The following MUCL3 variants were observed in gnomAD, a reference collection of about 807,000 sequenced individuals.
MUCL3 encodes the protein mucin like 3.
Under a neutral mutation model 70.2 loss-of-function variants are expected in MUCL3, and 42 were observed. That is an observed-to-expected ratio of 0.60 (90% CI 0.47 to 0.77). The LOEUF (loss-of-function observed/expected upper bound fraction) is 0.77, where lower values mean the gene tolerates loss of function less well. Ranked by LOEUF, MUCL3 falls within the 30% of genes least tolerant of loss-of-function variation. MUCL3 has a pLI of 0.00. For missense variants in MUCL3, 1,429 were observed against 1,670.0 expected (o/e 0.86, Z 2.52); for synonymous variants, 522 against 647.0 (o/e 0.81, Z 2.93).
Position 30,950,261 on chromosome 6 carries a change from A to C in MUCL3, c.1797A>C (p.Ala599=). Residue 599 remains alanine, a synonymous_variant, in exon 2 of 3, where the codon GCA becomes GCC. Coordinates refer to ENST00000462446, the MANE Select transcript of MUCL3 (RefSeq NM_080870.4). ...ATGAGAAGACCACATCATCCTCAGC[A>C]GAGCCTACAGAACACGAAGAAAGGA... The part of the protein sequence containing the change: ...FANEKTTSSS[A]EPTEHEERTP... 6.4e-7 allele frequency: 1 copy of C among 1,551,364 alleles called. No homozygotes were observed. The highest frequency in any genetic ancestry group is 8.7e-7 in the Non-Finnish European group (1 of 1,146,986).
rs1204333472 is a variant in MUCL3, at chr6:30,950,479, C to T, written c.2015C>T (p.Thr672Ile). The change falls in exon 2 of 3, where the codon ACC (threonine) becomes ATC (isoleucine). Residue 672 changes from threonine (T) to isoleucine (I), a missense_variant. Coordinates refer to ENST00000462446, the MANE Select transcript of MUCL3 (RefSeq NM_080870.4). ...ENRERTANEK[T>I]TSSPAEPTEN... Reference sequence around the variant, plus strand: ...AGAGAAAGGACAGCCAATGAGAAGACCACATCATCCCCAGCAGAGCCTACA... The same window carrying T: ...AGAGAAAGGACAGCCAATGAGAAGATCACATCATCCCCAGCAGAGCCTACA... 5 of 1,550,608 alleles carry T rather than the reference C, an allele frequency of 3.2e-6. No homozygotes were observed. The highest frequency in any genetic ancestry group is 2.0e-5 in the Admixed American group (1 of 50,840).
chr6:30,949,483 C>G lies in MUCL3; in HGVS notation c.1019C>G (p.Ala340Gly). The G allele has an allele frequency of 5.8e-6, 9 of 1,549,774 alleles. No individual in the cohort carries two copies. Among genetic ancestry groups the G allele is most frequent in the Non-Finnish European group, 7.0e-6 (8 of 1,146,298 alleles). The change falls in exon 2 of 3, where the codon GCA (alanine) becomes GGA (glycine). Residue 340 changes from alanine (A) to glycine (G), a missense_variant. Coordinates refer to ENST00000462446, the MANE Select transcript of MUCL3 (RefSeq NM_080870.4). ...AATGAGAACACCGCACCATTCCCAG[C>G]AGGGCCTACAGAAAATAGAGAAATG... ...TANENTAPFP[A>G]GPTENREMTA...
At position 30,950,623 on chromosome 6, in the gene MUCL3, A is replaced by T. The variant is rs2844699; in HGVS notation, c.2159A>T (p.Glu720Val). Residue 720 changes from glutamate to valine, a missense_variant, in exon 2 of 3, where the codon GAG becomes GTG. Glu to Val is a moderately radical substitution (Grantham distance 121). Transcript: ENST00000462446. ...GAGAACACCACACTATCCCCAGCAG[A>T]GCCTACAGAAAATAGAGAAAGGACA... ...ANENTTLSPA[E>V]PTENRERTAN... The T allele has an allele frequency of 6.5e-7, 1 of 1,543,366 alleles. No individual in the cohort carries two copies. Among genetic ancestry groups the T allele is most frequent in the African/African-American group, 1.4e-5 (1 of 71,810 alleles).
chr6:30,948,887 T>G lies in MUCL3; in HGVS notation c.423T>G (p.Asp141Glu). 6.4e-7 allele frequency: 1 copy of G among 1,551,090 alleles called. No individual in the cohort carries two copies. ...DPMIRNQRSVDPADSTTTHKE... is the reference protein window; with the variant it reads ...DPMIRNQRSVEPADSTTTHKE... ...TGATCCGGAACCAGCGCTCTGTTGA[T>G]CCTGCTGACTCCACTACCACACATA... Residue 141 changes from aspartate (D) to glutamate (E), a missense_variant, in exon 2 of 3, where the codon GAT (aspartate) becomes GAG (glutamate). Coordinates refer to ENST00000462446, the MANE Select transcript of MUCL3 (RefSeq NM_080870.4).
At chr6:30,945,928 T>C (rs1176951304) in intron 1 of MUCL3, 2 of 152,304 alleles carry the variant, frequency 1.3e-5, no homozygotes, top group Non-Finnish European at 2.9e-5. Flanking sequence ...CACTCCAGCC[T>C]TGGCGACAGA....
At position 30,950,899 on chromosome 6, in the gene MUCL3, A is replaced by G. The variant is rs1322805861; in HGVS notation, c.2435A>G (p.Asn812Ser). 7.7e-6 allele frequency: 12 copies of G among 1,551,240 alleles called. No individual in the cohort carries two copies. Among genetic ancestry groups the G allele is most frequent in the Admixed American group, 2.0e-5 (1 of 50,932 alleles). The change falls in exon 2 of 3, where the codon AAT becomes AGT. Residue 812 changes from asparagine (N) to serine (S), a missense_variant. Physicochemically the swap from Asn to Ser is conservative, Grantham distance 46. Coordinates refer to ENST00000462446, the MANE Select transcript of MUCL3 (RefSeq NM_080870.4). ...CACGCAGAAAGGACTCCACTGGCCAATGAGAACACCACATCATCCCCAGCA... is the reference window on the plus strand; with the variant it reads ...CACGCAGAAAGGACTCCACTGGCCAGTGAGAACACCACATCATCCCCAGCA... Reference protein sequence around the residue: ...TEHAERTPLANENTTSSPAEP... With the variant: ...TEHAERTPLASENTTSSPAEP...
chr6:30,949,280 C>T lies in MUCL3; in HGVS notation c.816C>T (p.Thr272=). The T allele has an allele frequency of 6.4e-7, 1 of 1,551,414 alleles. No homozygotes were observed. Among genetic ancestry groups the T allele is most frequent in the South Asian group, 1.2e-5 (1 of 83,990 alleles). Residue 272 remains threonine, a synonymous_variant, in exon 2 of 3, where the codon ACC becomes ACT. Coordinates refer to ENST00000462446, the MANE Select transcript of MUCL3 (RefSeq NM_080870.4). Reference sequence around the variant, plus strand: ...AAACTACAAAAAACATACAAGAGACCATATCAGCCAATGAGCTCACACAAT... The same window carrying T: ...AAACTACAAAAAACATACAAGAGACTATATCAGCCAATGAGCTCACACAAT... ...LTKTTKNIQE[T]ISANELTQSL...
intron 1 of MUCL3, among the ~76,000 whole-genome samples, chr6:30,942,886 G>A (rs1407364445): frequency 6.6e-6 from 1 of 152,258 alleles, no homozygotes; most frequent in African/African-American, 2.4e-5. Flanking sequence ...TCGGAGAGGA[G>A]ATAGGCGTGG....
chr6:30,948,340 G>A (rs573668166), intron 1 of MUCL3, among the ~76,000 whole-genome samples: 8 of 152,306 alleles, frequency 5.3e-5, no homozygotes, highest in Non-Finnish European at 7.3e-5. Context: ...AGATGTGGAA[G>A]GGGATGAGGT....
Position 30,951,237 on chromosome 6 carries a change from G to T in MUCL3, c.2773G>T (p.Gly925Ter). 6.4e-7 allele frequency: 1 copy of T among 1,551,454 alleles called. No individual in the cohort carries two copies. The highest frequency in any genetic ancestry group is 8.7e-7 in the Non-Finnish European group (1 of 1,146,956). Residue 925 changes from glycine to a stop codon, truncating the protein, a stop_gained, in exon 2 of 3, where the codon GGA (glycine) becomes TGA (stop). Transcript: ENST00000462446. LOFTEE classifies it high-confidence loss of function. ...ATCCTCAGCAGAGCCTACAGAACAT[G>T]GAGAAAGGACCCCACTGGCCAATGA... ...TPSSAEPTEH[G>*]ERTPLANEIT...
chr6:30,949,038 T>C lies in MUCL3; in HGVS notation c.574T>C (p.Ser192Pro). The change falls in exon 2 of 3, where the codon TCC becomes CCC. Residue 192 changes from serine to proline, a missense_variant. Ser to Pro is a moderately conservative substitution (Grantham distance 74). Coordinates refer to ENST00000462446, the MANE Select transcript of MUCL3 (RefSeq NM_080870.4). The part of the protein sequence containing the change: ...SDKTGRPLEK[S>P]MSTLDKTSTS... ...TAAAACTGGAAGACCTTTGGAAAAGTCCATGAGTACTTTGGATAAGACAAG... is the reference window on the plus strand; with the variant it reads ...TAAAACTGGAAGACCTTTGGAAAAGCCCATGAGTACTTTGGATAAGACAAG... 1 of 1,551,568 alleles carries C rather than the reference T, an allele frequency of 6.4e-7. No homozygotes were observed. Among genetic ancestry groups the C allele is most frequent in the East Asian group, 2.4e-5 (1 of 40,932 alleles).
Position 30,950,114 on chromosome 6 carries a change from G to T in MUCL3, c.1650G>T (p.Glu550Asp), listed in dbSNP as rs761743529. 14 of 1,550,450 alleles carry T rather than the reference G, an allele frequency of 9.0e-6. No individual in the cohort carries two copies. The highest frequency in any genetic ancestry group is 1.2e-5 in the Non-Finnish European group (14 of 1,146,878). The change falls in exon 2 of 3, where the codon GAG becomes GAT. Residue 550 changes from glutamate to aspartate, a missense_variant. Coordinates refer to ENST00000462446, the MANE Select transcript of MUCL3 (RefSeq NM_080870.4). ...AAAATAGAGAAAGGACAGCCAATGA[G>T]AAGACCACACCATCCCCAGCAGAGC... ...PTENRERTANEKTTPSPAEPT... is the reference protein window; with the variant it reads ...PTENRERTANDKTTPSPAEPT...
Position 30,951,516 on chromosome 6 carries a change from G to A in MUCL3, c.3052G>A (p.Ala1018Thr), listed in dbSNP as rs1760690160. The A allele has an allele frequency of 6.4e-7, 1 of 1,551,800 alleles. No individual in the cohort carries two copies. ...TANEKTTPSPAEPTEHGERTP... is the reference protein window; with the variant it reads ...TANEKTTPSPTEPTEHGERTP... The stretch of plus-strand genomic sequence containing the variant: ...CAATGAGAAGACCACACCATCCCCA[G>A]CAGAGCCTACAGAACATGGAGAAAG... Residue 1018 changes from alanine (A) to threonine (T), a missense_variant, in exon 2 of 3, where the codon GCA (alanine) becomes ACA (threonine). Physicochemically the swap from Ala to Thr is moderately conservative, Grantham distance 58 (BLOSUM62 0). Coordinates refer to ENST00000462446, the MANE Select transcript of MUCL3 (RefSeq NM_080870.4).
At chr6:30,941,496 G>C (rs1179914773) in intron 1 of MUCL3, among the ~76,000 whole-genome samples, 1 of 122,610 alleles carries the variant, frequency 8.2e-6, no homozygotes, top group Non-Finnish European at 1.6e-5. Context: ...GTCTTGCTCT[G>C]TTGCCTAGGC....
rs1760609947 is a variant in MUCL3, at chr6:30,950,603, C to T, written c.2139C>T (p.Asn713=). 6.5e-7 allele frequency: 1 copy of T among 1,547,216 alleles called. No individual in the cohort carries two copies. The highest frequency in any genetic ancestry group is 8.7e-7 in the Non-Finnish European group (1 of 1,146,110). Residue 713 remains asparagine, a synonymous_variant, in exon 2 of 3, where the codon AAC becomes AAT. Transcript: ENST00000462446. ...AAAGGACCCCACTGGCCAATGAGAA[C>T]ACCACACTATCCCCAGCAGAGCCTA... ...HGERTPLANE[N]TTLSPAEPTE... is the part of the protein sequence containing the mutation.
intron 1 of MUCL3, among the ~76,000 whole-genome samples, chr6:30,947,890 C>T (rs1002748793): frequency 6.6e-6 from 1 of 152,154 alleles, no homozygotes; most frequent in African/African-American, 2.4e-5. Flanking sequence ...TCTTCTTATA[C>T]ATCTCTCACT....
Position 30,951,983 on chromosome 6 carries a change from C to G in MUCL3, c.3519C>G (p.Thr1173=). 2 of 1,612,166 alleles carry G rather than the reference C, an allele frequency of 1.2e-6. No homozygotes were observed. ...TEKSTEHPEK[T]TSTTEKTTRT... ...AGTCCACAGAACACCCAGAAAAGACCACGTCAACCACAGAGAAAACCACAA... is the reference window on the plus strand; with the variant it reads ...AGTCCACAGAACACCCAGAAAAGACGACGTCAACCACAGAGAAAACCACAA... Residue 1173 remains threonine (T), a synonymous_variant, in exon 2 of 3, where the codon ACC becomes ACG. Transcript: ENST00000462446.
At chr6:30,943,670 G>T (rs1795673784) in intron 1 of MUCL3, among the ~76,000 whole-genome samples, 1 of 152,178 alleles carries the variant, frequency 6.6e-6, no homozygotes. Flanking sequence ...ATTGGGGCTG[G>T]GGTCCTTGGA....
Position 30,951,759 on chromosome 6 carries a change from C to T in MUCL3, c.3295C>T (p.Pro1099Ser), listed in dbSNP as rs753453194. 2.9e-5 allele frequency: 45 copies of T among 1,553,750 alleles called. No individual in the cohort carries two copies. In the East Asian group the frequency reaches 1.0e-3, roughly 36 times the overall value. Residue 1099 changes from proline to serine, a missense_variant, in exon 2 of 3, where the codon CCA becomes TCA. Transcript: ENST00000462446. Reference protein sequence around the residue: ...KTTSANEKITPSLAKPTEHGE... With the variant: ...KTTSANEKITSSLAKPTEHGE... ...TACGTCGGCCAATGAGAAGATCACA[C>T]CATCCCTAGCAAAGCCTACAGAACA... is the stretch of plus-strand genomic sequence containing the variant.
Sources: allele counts gnomAD v4.1 joint callset (sites outside exome capture counted in the v4.1 genomes callset), GRCh38; gene constraint gnomAD v4.1.1; transcripts MANE v1.5; gene names NCBI Gene and HGNC (gene_info 2026-07-23, HGNC 2026-07-21).